TTC21A: variants seen among roughly 807,000 people sequenced by gnomAD.
The protein encoded by TTC21A is tetratricopeptide repeat protein 21A.
In TTC21A, 128 loss-of-function variants were observed where a neutral mutation model predicts 156.4. The observed-to-expected ratio is 0.82, with a 90% CI of 0.71 to 0.95. The LOEUF (loss-of-function observed/expected upper bound fraction) is 0.95. TTC21A is among the 40% of genes least tolerant of loss of function. TTC21A has a pLI of 0.00. For synonymous variants in TTC21A, 587 were observed against 617.1 expected (o/e 0.95, Z 0.72); for missense variants, 1,435 against 1,602.3 (o/e 0.90, Z 1.78).
chr3:39,116,649 T>A (rs1000004192), intron 6 of TTC21A, among the ~76,000 whole-genome samples: 2 of 152,088 alleles, frequency 1.3e-5, no homozygotes, highest in African/African-American at 4.8e-5. Context: ...CTATTTTTTT[T>A]ATAAGCTATT....
chr3:39,111,086 C>T (rs911195388), intron 4 of TTC21A, 69 bp downstream of exon 4: 3 of 1,493,300 alleles, frequency 2.0e-6, no homozygotes, highest in Non-Finnish European at 2.7e-6. Context: ...CAGGGTGGCC[C>T]TCATTCCCAC....
chr3:39,137,538 A>G lies in TTC21A; in HGVS notation c.3503A>G (p.Lys1168Arg), dbSNP rs1287804243. Residue 1168 changes from lysine to arginine, a missense_variant, in exon 26 of 29, where the codon AAG (lysine) becomes AGG (arginine). By Grantham distance (26) the Lys-to-Arg change is conservative. Coordinates refer to ENST00000683103, the MANE Select transcript of TTC21A (RefSeq NM_001366900.1). ...LALAQAYVFL[K>R]QIPKARMQLK... ...TTGGCACAAGCCTACGTGTTCCTGA[A>G]GCAGATCCCCAAGGCGCGTATGCAG... 1.2e-6 allele frequency: 2 copies of G among 1,614,120 alleles called. No homozygotes were observed. The highest frequency in any genetic ancestry group is 1.7e-6 in the Non-Finnish European group (2 of 1,180,044).
At chr3:39,116,015 G>A (rs1295994206) in intron 6 of TTC21A, among the ~76,000 whole-genome samples, 1 of 152,244 alleles carries the variant, frequency 6.6e-6, no homozygotes, top group African/African-American at 2.4e-5. Flanking sequence ...CTCTCGCAGT[G>A]TAAACCTGGC....
chr3:39,138,065 A>T, intron 26 of TTC21A: 1 of 687,578 alleles, frequency 1.5e-6, no homozygotes, highest in Non-Finnish European at 2.4e-6. Flanking sequence ...GGGTTACGCC[A>T]GTGTCTGGGG....
Position 39,128,497 on chromosome 3 carries a change from CCT to C in TTC21A, c.1680+13_1680+14del. ...TCAGCCACAACTTCCAGGTGGGTGC[CCT>C]CTCATCCTCTCAGCATCCCAAAGCC... On this transcript the variant is annotated intron_variant, in intron 13 of 28. Transcript: ENST00000683103. The C allele has an allele frequency of 6.2e-7, 1 of 1,613,934 alleles. No individual in the cohort carries two copies. Among genetic ancestry groups the C allele is most frequent in the Non-Finnish European group, 8.5e-7 (1 of 1,179,950 alleles).
chr3:39,118,240 T>G (rs1214127011), intron 7 of TTC21A, 87 bp downstream of exon 7: 1 of 1,310,922 alleles, frequency 7.6e-7, no homozygotes, highest in Admixed American at 1.7e-5. Context: ...CCCAAAGCCC[T>G]TGTAGGGAGC....
chr3:39,119,934 G>C lies in TTC21A; in HGVS notation c.814G>C (p.Val272Leu). ...EGNMTTATNH[V>L]RNLIKALETR... ...TTTGTCCCTGCAGGCTACCAATCACGTTAGAAATCTGATTAAGGCACTAGA... is the reference window on the plus strand; with the variant it reads ...TTTGTCCCTGCAGGCTACCAATCACCTTAGAAATCTGATTAAGGCACTAGA... Residue 272 changes from valine (V) to leucine (L), a missense_variant, in exon 8 of 29, where the codon GTT (valine) becomes CTT (leucine). By Grantham distance (32) the Val-to-Leu change is conservative. Coordinates refer to ENST00000683103, the MANE Select transcript of TTC21A (RefSeq NM_001366900.1). 4 of 1,605,870 alleles carry C rather than the reference G, an allele frequency of 2.5e-6. No individual in the cohort carries two copies. The highest frequency in any genetic ancestry group is 3.4e-6 in the Non-Finnish European group (4 of 1,173,644).
At chr3:39,119,250 A>G (rs1375362116) in intron 7 of TTC21A, 1 of 152,252 alleles carries the variant, frequency 6.6e-6, no homozygotes, top group Non-Finnish European at 1.5e-5. Flanking sequence ...TGCTTTTGGC[A>G]CTTCTCTGCA....
intron 6 of TTC21A, among the ~76,000 whole-genome samples, chr3:39,116,475 T>A (rs1329743427): frequency 2.9e-5 from 3 of 104,726 alleles, no homozygotes; most frequent in Non-Finnish European, 5.1e-5. Context: ...TATTAATTTC[T>A]GCCCCCCCCT....
In TTC21A at chr3:39,128,338, A is replaced by G. The variant is rs775092738; in HGVS notation, c.1530A>G (p.Leu510=). 6.2e-7 allele frequency: 1 copy of G among 1,614,134 alleles called. No homozygotes were observed. ...TTTGTGTATTATTTCTAGGAGAGCT[A>G]GAGAATGCCCAGAGCATCCTGCAGC... The part of the protein sequence containing the change: ...MAQVRYYSGE[L]ENAQSILQRC... The change falls in exon 13 of 29, where the codon CTA becomes CTG. Residue 510 remains leucine, a synonymous_variant. Transcript: ENST00000683103.
chr3:39,123,014 G>T (rs2037897222), intron 9 of TTC21A, among the ~76,000 whole-genome samples: 4 of 152,198 alleles, frequency 2.6e-5, no homozygotes, highest in South Asian at 4.1e-4. Flanking sequence ...AGTCTGAAAG[G>T]TTGGCCGAGT....
At chr3:39,128,280 C>G in intron 12 of TTC21A, 51 bp from the exon 13 acceptor site, 1 of 1,592,078 alleles carries the variant, frequency 6.3e-7, no homozygotes, top group Admixed American at 1.7e-5. Flanking sequence ...CATATCAGGT[C>G]TTAGGAGCCC....
Position 39,134,174 on chromosome 3 carries a change from C to G in TTC21A, c.2752-44C>G. The G allele has an allele frequency of 1.5e-6, 2 of 1,298,910 alleles. No homozygotes were observed. The highest frequency in any genetic ancestry group is 2.2e-6 in the Non-Finnish European group (2 of 894,094). 80.5% of individuals were successfully genotyped at this position (1,298,910 alleles called of 1,614,324 possible). A position where few individuals can be genotyped will look rare whatever the true frequency, so the allele number is the denominator to read the frequency against. ...GTCAAGGATAACCCCAGGGGTTTCC[C>G]ATGGTGTTTACTAGTTAGTTTATTA... On this transcript the variant is annotated intron_variant, in intron 20 of 28. Coordinates refer to ENST00000683103, the MANE Select transcript of TTC21A (RefSeq NM_001366900.1). The surrounding 1 kb of genome is among the most constrained non-coding windows in gnomAD (Gnocchi z 4.6).
At chr3:39,126,928 A>G (rs1427480681) in intron 12 of TTC21A, among the ~76,000 whole-genome samples, 1 of 152,154 alleles carries the variant, frequency 6.6e-6, no homozygotes, top group Admixed American at 6.5e-5. Flanking sequence ...AGCACATCGT[A>G]TTTTTTTGCT....
chr3:39,134,470 C>G lies in TTC21A; in HGVS notation c.2862+142C>G, dbSNP rs767471642. 3 of 731,330 alleles carry G rather than the reference C, an allele frequency of 4.1e-6. No individual in the cohort carries two copies. The highest frequency in any genetic ancestry group is 7.5e-6 in the Non-Finnish European group (3 of 400,700). The allele number at this position is 731,330 out of a possible 1,614,324, so 45.3% of individuals were successfully genotyped here. ...CTGAGGAGCTGTCGGGCAGAGAGGA[C>G]TCAGTGCTGCACCTACTCTGCCCTT... On this transcript the variant is annotated intron_variant, in intron 21 of 28. Coordinates refer to ENST00000683103, the MANE Select transcript of TTC21A (RefSeq NM_001366900.1). The surrounding 1 kb of genome is among the most constrained non-coding windows in gnomAD (Gnocchi z 4.6).
At chr3:39,135,724 T>C (rs1006288985) in intron 22 of TTC21A, among the ~76,000 whole-genome samples, 1 of 152,144 alleles carries the variant, frequency 6.6e-6, no homozygotes, top group African/African-American at 2.4e-5. Context: ...TATTTCTCCA[T>C]GTCTCAGTGT....
Position 39,110,831 on chromosome 3 carries a change from C to T in TTC21A, c.269-20C>T. 6.2e-7 allele frequency: 1 copy of T among 1,613,266 alleles called. No individual in the cohort carries two copies. Among genetic ancestry groups the T allele is most frequent in the Non-Finnish European group, 8.5e-7 (1 of 1,179,912 alleles). ...TTCCACATCCTAACTCTCCCTCTTC[C>T]TTCGCTCTTGGATTTACAGACCGAG... On this transcript the variant is annotated intron_variant, in intron 3 of 28. Transcript: ENST00000683103.
Position 39,138,727 on chromosome 3 carries a change from C to T in TTC21A, c.3881C>T (p.Pro1294Leu), listed in dbSNP as rs775275415. ...EICNDVLREH[P>L]DYPKIREEIL... The stretch of plus-strand genomic sequence containing the variant: ...CTGTTCCAGGTCCTCAGGGAGCACC[C>T]CGACTACCCCAAGATCAGGGAGGAA... The change falls in exon 29 of 29, where the codon CCC becomes CTC. Residue 1294 changes from proline (P) to leucine (L), a missense_variant. By Grantham distance (98) the Pro-to-Leu change is moderately conservative. Transcript: ENST00000683103. 1.1e-5 allele frequency: 18 copies of T among 1,614,090 alleles called. No homozygotes were observed. In the South Asian group the frequency reaches 1.9e-4, roughly 17 times the overall value.
Position 39,130,076 on chromosome 3 carries a change from C to T in TTC21A, c.2136-3C>T. 1.9e-6 allele frequency: 3 copies of T among 1,614,076 alleles called. No individual in the cohort carries two copies. The highest frequency in any genetic ancestry group is 2.5e-6 in the Non-Finnish European group (3 of 1,179,994). ...ATAAGCTTTTGGTTACTCTTGCTTG[C>T]AGTGAGCTCTGTGAACATCTGCCTG... On this transcript the variant is annotated splice_polypyrimidine_tract_variant and splice_region_variant and intron_variant, in intron 15 of 28. Coordinates refer to ENST00000683103, the MANE Select transcript of TTC21A (RefSeq NM_001366900.1). This position sits in a 1 kb window ranked among gnomAD's most constrained non-coding sequence, Gnocchi z 4.5.
Sources: allele counts gnomAD v4.1 joint callset (sites outside exome capture counted in the v4.1 genomes callset), GRCh38; gene constraint gnomAD v4.1.1; non-coding constraint Gnocchi (gnomAD v3.1); transcripts MANE v1.5; gene names NCBI Gene and HGNC (gene_info 2026-07-23, HGNC 2026-07-21).